CCDC7: variants seen among roughly 807,000 people sequenced by gnomAD.
CCDC7 encodes coiled-coil domain containing 7.
A neutral mutation model predicts 196.9 loss-of-function variants in CCDC7; 183 were observed. The ratio of observed to expected loss-of-function variants is 0.93; its 90% CI spans 0.82 to 1.05. CCDC7 has a LOEUF of 1.05. CCDC7 is among the 50% of genes least tolerant of loss of function. CCDC7 has a pLI of 0.00. For synonymous variants in CCDC7, 525 were observed against 484.6 expected, an observed-to-expected ratio of 1.08 and a Z score of -1.10; for missense variants, 1,540 against 1,482.2, an observed-to-expected ratio of 1.04 and a Z score of -0.64.
chr10:32,829,492 CAT>C (rs1215738636), intron 32 of CCDC7, among the ~76,000 whole-genome samples: 1 of 152,114 alleles, frequency 6.6e-6, no homozygotes, highest in African/African-American at 2.4e-5. Context: ...TTTCCTTTAT[CAT>C]GTGATGTAAG....
chr10:32,622,127 A>G (rs1054339385), intron 18 of CCDC7, among the ~76,000 whole-genome samples: 1 of 152,068 alleles, frequency 6.6e-6, no homozygotes, highest in South Asian at 2.1e-4. Flanking sequence ...TGTGTACTTC[A>G]TTCTGTATTC....
intron 13 of CCDC7, among the ~76,000 whole-genome samples, chr10:32,557,367 C>T (rs2136482153): frequency 6.6e-6 from 1 of 151,630 alleles, no homozygotes; most frequent in South Asian, 2.1e-4. Flanking sequence ...CAGCACTGAA[C>T]ATGTTGAGTA....
intron 27 of CCDC7, 28 bp from the exon 29 acceptor site, chr10:32,729,304 T>C: frequency 6.5e-7 from 1 of 1,532,106 alleles, no homozygotes; most frequent in Non-Finnish European, 8.8e-7. Flanking sequence ...CCAGAAGTTC[T>C]ATTGCACATC....
At chr10:32,671,969 T>C (rs1314529882) in intron 21 of CCDC7, among the ~76,000 whole-genome samples, 1 of 152,182 alleles carries the variant, frequency 6.6e-6, no homozygotes, top group Non-Finnish European at 1.5e-5. Context: ...TCTTTTTCTC[T>C]CAGTGAGGAA....
chr10:32,690,945 A>T (rs563277844), intron 23 of CCDC7, among the ~76,000 whole-genome samples: 2 of 152,352 alleles, frequency 1.3e-5, no homozygotes, highest in East Asian at 3.9e-4. Flanking sequence ...GTGTCCTCAG[A>T]TGCAAAACCA....
chr10:32,504,460 AT>A (rs1238279671), intron 9 of CCDC7, among the ~76,000 whole-genome samples: 1 of 151,848 alleles, frequency 6.6e-6, no homozygotes. Context: ...TATTGGCTTA[AT>A]TTGTTATTTT....
At chr10:32,829,067 A>G (rs895646436) in intron 32 of CCDC7, among the ~76,000 whole-genome samples, 1 of 152,194 alleles carries the variant, frequency 6.6e-6, no homozygotes, top group African/African-American at 2.4e-5. Flanking sequence ...GACCCGGACT[A>G]TCAAGATGAA....
chr10:32,696,477 T>G (rs2077743178), intron 24 of CCDC7, among the ~76,000 whole-genome samples: 1 of 147,898 alleles, frequency 6.8e-6, no homozygotes, highest in Non-Finnish European at 1.5e-5. Context: ...TAGTCTTGTT[T>G]TCTGTTTTTT....
At chr10:32,720,325 A>G (rs2082221343) in intron 25 of CCDC7, among the ~76,000 whole-genome samples, 1 of 151,906 alleles carries the variant, frequency 6.6e-6, no homozygotes, top group Non-Finnish European at 1.5e-5. Flanking sequence ...TACACAGCCA[A>G]CTAACCAAAC....
intron 28 of CCDC7, among the ~76,000 whole-genome samples, chr10:32,772,321 C>G (rs1453130038): frequency 6.6e-6 from 1 of 152,204 alleles, no homozygotes; most frequent in Admixed American, 6.5e-5. Flanking sequence ...TCCACTCCCA[C>G]AGTGTTCCAC....
At chr10:32,623,756 C>T (rs1423428012) in intron 18 of CCDC7, 2 of 470,186 alleles carry the variant, frequency 4.3e-6, no homozygotes, top group Non-Finnish European at 8.8e-6. Flanking sequence ...CTGCTTCTGG[C>T]GAGGGCCTCA....
chr10:32,659,813 G>T (rs930825897), intron 20 of CCDC7, among the ~76,000 whole-genome samples: 13 of 152,142 alleles, frequency 8.5e-5, no homozygotes, highest in African/African-American at 2.9e-4. Context: ...TTACTAAAAA[G>T]CCCAAAAAGA....
Position 32,599,347 on chromosome 10 carries a change from G to T in CCDC7, c.1801+15043G>T, listed in dbSNP as rs1050288251. On this transcript the variant is annotated intron_variant, in intron 18 of 41. Coordinates refer to ENST00000639629, the Ensembl canonical transcript of CCDC7. ...CATAGCATGTCATTGGGTCATGTAT[G>T]TATGTATGTGTTTAAAAGCTTTTGT... Among the ~76,000 whole-genome samples the T allele has an allele frequency of 5.9e-5, 9 of 152,194 alleles. No homozygotes were observed. In the East Asian group the frequency reaches 1.7e-3, roughly 29 times the overall value.
intron 18 of CCDC7, among the ~76,000 whole-genome samples, chr10:32,614,231 C>A (rs1264267068): frequency 6.7e-6 from 1 of 150,150 alleles, no homozygotes; most frequent in Non-Finnish European, 1.5e-5. Flanking sequence ...ATTGCAACCC[C>A]TGGTTTTTTT....
chr10:32,486,987 G>A (rs1014764043), intron 8 of CCDC7, among the ~76,000 whole-genome samples: 7 of 151,884 alleles, frequency 4.6e-5, no homozygotes, highest in African/African-American at 1.7e-4. Context: ...TGCTGTTCTC[G>A]AGGAATGTCT....
chr10:32,817,520 C>T (rs2089007755), intron 31 of CCDC7, among the ~76,000 whole-genome samples: 1 of 152,050 alleles, frequency 6.6e-6, no homozygotes, highest in African/African-American at 2.4e-5. Flanking sequence ...AGAGCAACTC[C>T]AAGACACATA....
intron 8 of CCDC7, among the ~76,000 whole-genome samples, chr10:32,484,071 A>C (rs1002643682): frequency 1.3e-5 from 2 of 152,206 alleles, no homozygotes; most frequent in Non-Finnish European, 2.9e-5. Flanking sequence ...CATTGAATCT[A>C]TAAATTACCT....
chr10:32,777,907 T>G (rs1372905612), intron 28 of CCDC7, among the ~76,000 whole-genome samples: 1 of 152,178 alleles, frequency 6.6e-6, no homozygotes, highest in African/African-American at 2.4e-5. Context: ...AGATGGTATC[T>G]CATTGTGGTT....
At chr10:32,869,366 T>C (rs1164001871) in intron 41 of CCDC7, among the ~76,000 whole-genome samples, 1 of 152,214 alleles carries the variant, frequency 6.6e-6, no homozygotes, top group Non-Finnish European at 1.5e-5. Context: ...ATAAATGTCT[T>C]CTTTTGAGAA....
Sources: gnomAD v4.1 joint callset for allele counts (sites outside exome capture counted in the v4.1 genomes callset) on GRCh38, gnomAD v4.1.1 for gene constraint, MANE v1.5 for transcripts, NCBI Gene and HGNC (gene_info 2026-07-23, HGNC 2026-07-21) for gene names.